The following SHTN1 variants were observed in gnomAD, a reference collection of about 807,000 sequenced individuals.
SHTN1 encodes shootin-1.
SHTN1 carries 42 observed loss-of-function variants against 83.1 expected under a neutral mutation model. The observed-to-expected ratio is 0.51, with a 90% confidence interval of 0.39 to 0.65. SHTN1 has a LOEUF of 0.65. SHTN1 is among the 30% of genes least tolerant of loss of function. The pLI, the probability that SHTN1 is intolerant of heterozygous loss-of-function variation, is 0.00. For missense variants in SHTN1, 622 were observed against 737.8 expected, an observed-to-expected ratio of 0.84 and a Z score of 1.82; for synonymous variants, 224 against 247.7, an observed-to-expected ratio of 0.90 and a Z score of 0.90.
chr10:117,021,841 T>C (rs567623424), intron 2 of SHTN1, among the ~76,000 whole-genome samples: 6 of 152,340 alleles, frequency 3.9e-5, no homozygotes, highest in Middle Eastern at 3.4e-3. Context: ...TAGTTTTATG[T>C]AGCAATTTGG....
chr10:117,017,127 A>G (rs1408923461), intron 2 of SHTN1, among the ~76,000 whole-genome samples: 1 of 152,166 alleles, frequency 6.6e-6, no homozygotes, highest in Non-Finnish European at 1.5e-5. Context: ...GATGTAGGGC[A>G]TGTCAAAAGG....
chr10:117,005,335 G>C (rs1282774219), upstream of SHTN1: 4 of 1,310,848 alleles, frequency 3.1e-6, no homozygotes, highest in African/African-American at 1.5e-5. Context: ...GTGGAGGAAC[G>C]AGGGCGGGTC....
intron 2 of SHTN1, among the ~76,000 whole-genome samples, chr10:117,028,764 C>T (rs1223328698): frequency 1.3e-5 from 2 of 152,156 alleles, no homozygotes; most frequent in Admixed American, 6.6e-5. Flanking sequence ...GGCTTGGGAG[C>T]CTCTGCCTAG....
chr10:117,109,082 C>T (rs1183138978), intron 1 of SHTN1, among the ~76,000 whole-genome samples: 1 of 152,200 alleles, frequency 6.6e-6, no homozygotes, highest in Non-Finnish European at 1.5e-5. Flanking sequence ...AGTTTAAGAA[C>T]CACTGCTCTA....
intron 1 of SHTN1, among the ~76,000 whole-genome samples, chr10:117,103,569 G>A (rs1198295178): frequency 3.7e-5 from 4 of 108,026 alleles, no homozygotes; most frequent in South Asian, 3.1e-4. Context: ...ACGGAGTCTC[G>A]CTCTGTTGCC....
At chr10:116,894,827 A>C (rs955472154) in intron 16 of SHTN1, among the ~76,000 whole-genome samples, 2 of 152,236 alleles carry the variant, frequency 1.3e-5, no homozygotes, top group African/African-American at 2.4e-5. Context: ...CGCCACTTTC[A>C]GATAAGATGG....
intron 1 of SHTN1, among the ~76,000 whole-genome samples, chr10:117,098,503 G>C (rs572109354): frequency 6.6e-6 from 1 of 151,662 alleles, no homozygotes; most frequent in African/African-American, 2.4e-5. Context: ...ATCAGATACT[G>C]ACAACAATCC....
intron 8 of SHTN1, among the ~76,000 whole-genome samples, chr10:116,942,759 C>T (rs1400357045): frequency 1.3e-5 from 2 of 152,160 alleles, no homozygotes; most frequent in Non-Finnish European, 2.9e-5. Flanking sequence ...AAATTGATTT[C>T]TAAGGCTCTA....
In SHTN1 at chr10:116,911,832, C is replaced by T. The variant is rs62641722; in HGVS notation, c.1317G>A (p.Ser439=). Residue 439 remains serine (S), a synonymous_variant, in exon 14 of 17, where the codon TCG becomes TCA. Coordinates refer to ENST00000355371, the MANE Select transcript of SHTN1 (RefSeq NM_001127211.3). ...TARPKTKPES[S]KGCESAVDEL... ...CATCCACTGCACTTTCGCAGCCTTT[C>T]GAAGATTCTGGCTATAATTTTAATA... 5,618 of 1,611,472 alleles carry T rather than the reference C, an allele frequency of 3.5e-3. 166 individuals carry two copies. In the African/African-American group the frequency reaches 0.065, roughly 19 times the overall value.
At chr10:117,061,254 C>T (rs1190519281) in intron 1 of SHTN1, among the ~76,000 whole-genome samples, 1 of 149,912 alleles carries the variant, frequency 6.7e-6, no homozygotes, top group Non-Finnish European at 1.5e-5. Context: ...TCAAGCAATT[C>T]TCCTGCCTCA....
chr10:116,888,520 A>AG (rs1491161149), intron 16 of SHTN1, among the ~76,000 whole-genome samples: 5 of 152,212 alleles, frequency 3.3e-5, no homozygotes, highest in African/African-American at 9.7e-5. Context: ...GTAAAGTGAC[A>AG]GAGACTGGGG....
intron 1 of SHTN1, among the ~76,000 whole-genome samples, chr10:117,081,957 T>C (rs1268405673): frequency 1.0e-4 from 15 of 148,438 alleles, no homozygotes; most frequent in African/African-American, 2.2e-4. Context: ...TAGAGGTCTA[T>C]CAATTTTGTT....
At chr10:117,032,598 G>A (rs968437076) in intron 2 of SHTN1, among the ~76,000 whole-genome samples, 7 of 152,082 alleles carry the variant, frequency 4.6e-5, no homozygotes, top group Non-Finnish European at 1.0e-4. Flanking sequence ...TACAATAATA[G>A]CTGGAGAATT....
chr10:117,042,844 G>C (rs1436541496), intron 2 of SHTN1, among the ~76,000 whole-genome samples: 2 of 152,026 alleles, frequency 1.3e-5, no homozygotes, highest in East Asian at 1.9e-4. Flanking sequence ...ACGAACTCCT[G>C]ACCTCAGGTG....
At chr10:116,905,577 A>G (rs1847937038) in intron 15 of SHTN1, among the ~76,000 whole-genome samples, 1 of 152,160 alleles carries the variant, frequency 6.6e-6, no homozygotes, top group Non-Finnish European at 1.5e-5. Context: ...GAATCAATTT[A>G]CTCAATTGTC....
intron 2 of SHTN1, among the ~76,000 whole-genome samples, chr10:117,033,881 G>C (rs553678201): frequency 6.6e-6 from 1 of 150,950 alleles, no homozygotes; most frequent in African/African-American, 2.4e-5. Context: ...AAATATACAA[G>C]TCAATCAATG....
At chr10:116,986,002 T>C (rs1010980416) in intron 1 of SHTN1, among the ~76,000 whole-genome samples, 2 of 152,186 alleles carry the variant, frequency 1.3e-5, no homozygotes, top group African/African-American at 4.8e-5. Flanking sequence ...GAAAAGAAAT[T>C]ACGGCAAACC....
At chr10:116,920,225 G>A (rs1848509699) in intron 12 of SHTN1, among the ~76,000 whole-genome samples, 1 of 152,076 alleles carries the variant, frequency 6.6e-6, no homozygotes, top group African/African-American at 2.4e-5. Flanking sequence ...TATCTGCCCA[G>A]AATCTGCACG....
At chr10:117,104,499 G>C (rs1482221335) in intron 1 of SHTN1, among the ~76,000 whole-genome samples, 1 of 152,156 alleles carries the variant, frequency 6.6e-6, no homozygotes, top group African/African-American at 2.4e-5. Flanking sequence ...GGCCAGGCGC[G>C]GTGGCTCACG....
Sources: allele counts gnomAD v4.1 joint callset (sites outside exome capture counted in the v4.1 genomes callset), GRCh38; gene constraint gnomAD v4.1.1; transcripts MANE v1.5; gene names NCBI Gene and HGNC (gene_info 2026-07-23, HGNC 2026-07-21).